Variants in TRPM6 observed in about 807,000 individuals in gnomAD.
TRPM6 encodes channel kinase 2.
TRPM6 carries 111 observed loss-of-function variants against 247.6 expected under a neutral mutation model. The observed-to-expected ratio is 0.45, with a 90% CI of 0.38 to 0.52. TRPM6 has a LOEUF of 0.52. Ranked by LOEUF, TRPM6 falls within the 20% of genes least tolerant of loss-of-function variation. The probability of loss-of-function intolerance (pLI) is 0.00; values close to 1 mark genes in which losing one functional copy is unlikely to be tolerated. For missense variants in TRPM6, 2,126 were observed against 2,421.5 expected (o/e 0.88, Z 2.56); for synonymous variants, 892 against 853.8 (o/e 1.04, Z -0.78).
At chr9:74,833,282 A>T (rs1227224867) in intron 6 of TRPM6, among the ~76,000 whole-genome samples, 1 of 152,188 alleles carries the variant, frequency 6.6e-6, no homozygotes, top group Non-Finnish European at 1.5e-5. Flanking sequence ...CTTCTTTAGA[A>T]CATTTTCTCA....
chr9:74,770,159 A>G (rs954740110), intron 25 of TRPM6, among the ~76,000 whole-genome samples: 1 of 152,176 alleles, frequency 6.6e-6, no homozygotes, highest in South Asian at 2.1e-4. Context: ...CCAATAGAGA[A>G]GTCCAGATTT....
intron 27 of TRPM6, among the ~76,000 whole-genome samples, chr9:74,760,704 A>G (rs1826595691): frequency 6.6e-6 from 1 of 152,310 alleles, no homozygotes; most frequent in Non-Finnish European, 1.5e-5. Context: ...GGCGAGTGCT[A>G]TGATTTGAAC....
chr9:74,868,135 G>C (rs1830911518), intron 1 of TRPM6, among the ~76,000 whole-genome samples: 1 of 147,912 alleles, frequency 6.8e-6, no homozygotes, highest in African/African-American at 2.5e-5. Flanking sequence ...GCCTGACAGA[G>C]CGAGACTCCG....
At chr9:74,740,401 C>T (rs1825824989) in intron 33 of TRPM6, among the ~76,000 whole-genome samples, 1 of 152,168 alleles carries the variant, frequency 6.6e-6, no homozygotes, top group Non-Finnish European at 1.5e-5. Context: ...ACATTCTTTT[C>T]TAATTGTTCT....
intron 1 of TRPM6, among the ~76,000 whole-genome samples, chr9:74,875,652 A>C (rs956470578): frequency 6.6e-6 from 1 of 152,186 alleles, no homozygotes; most frequent in Non-Finnish European, 1.5e-5. Flanking sequence ...TAAAAATGAT[A>C]GTTAATTTTA....
chr9:74,852,436 CTCCCGCTCCCCCTCCTCCCT>C, intron 3 of TRPM6, among the ~76,000 whole-genome samples: 2 of 145,690 alleles, frequency 1.4e-5, no homozygotes, highest in South Asian at 4.5e-4. Flanking sequence ...CCCGCTCCCT[CTCCCGCTCCCCCTCCTCCCT>C]CTCCCTCTCC....
chr9:74,849,959 G>T (rs762845635), intron 3 of TRPM6, among the ~76,000 whole-genome samples: 18 of 152,348 alleles, frequency 1.2e-4, no homozygotes, highest in Non-Finnish European at 2.1e-4. Flanking sequence ...TCTGAAAGAG[G>T]TGATCAGTGG....
In TRPM6 at chr9:74,748,539, C is replaced by T. The variant is rs12686526; in HGVS notation, c.5058-625G>A. ...GCAGGAGACAGTGATATTGATGATC[C>T]TGATCCTGTGTAGGTCTAGGCTAAT... On this transcript the variant is annotated intron_variant, in intron 30 of 38. Transcript: ENST00000360774. Among the ~76,000 whole-genome samples, 14 of 152,222 alleles carry T rather than the reference C, an allele frequency of 9.2e-5. No individual in the cohort carries two copies. In the East Asian group the frequency reaches 2.7e-3, roughly 29 times the overall value.
Position 74,750,670 on chromosome 9 carries a change from T to A in TRPM6, c.5051A>T (p.Asn1684Ile). The change falls in exon 30 of 39, where the codon AAC becomes ATC. Residue 1684 changes from asparagine (N) to isoleucine (I), a missense_variant. Physicochemically the swap from Asn to Ile is moderately radical, Grantham distance 149. Around this residue, in one of 3 missense-constraint regions of TRPM6, gnomAD observed 717 missense variants for 715.9 expected, o/e 1.00. Transcript: ENST00000360774. ...AACATTTAGAAATACTCACAGGGAG[T>A]TCCTATTGAGGTTGGTGCTCCTGGA... ...WNSRSTNLNRNSLLKSSIGVD... is the reference protein window; with the variant it reads ...WNSRSTNLNRISLLKSSIGVD... 6 of 1,613,518 alleles carry A rather than the reference T, an allele frequency of 3.7e-6. No homozygotes were observed. The highest frequency in any genetic ancestry group is 1.3e-5 in the African/African-American group (1 of 74,946).
chr9:74,875,505 T>C (rs1470427534), intron 1 of TRPM6, among the ~76,000 whole-genome samples: 1 of 152,110 alleles, frequency 6.6e-6, no homozygotes, highest in Non-Finnish European at 1.5e-5. Flanking sequence ...ATCGTGCCAC[T>C]GCACTCCAGC....
chr9:74,835,404 C>T (rs965512619), intron 5 of TRPM6, among the ~76,000 whole-genome samples: 4 of 152,154 alleles, frequency 2.6e-5, no homozygotes, highest in African/African-American at 9.6e-5. Flanking sequence ...CCTAATCTTA[C>T]CCAATGTCCC....
chr9:74,843,135 A>C (rs1264037426), intron 3 of TRPM6, among the ~76,000 whole-genome samples: 47 of 152,186 alleles, frequency 3.1e-4, no homozygotes, highest in Non-Finnish European at 4.4e-5. Flanking sequence ...TCACCAGTAG[A>C]TTCCATTTCA....
chr9:74,833,623 G>C (rs2118119491), intron 6 of TRPM6, among the ~76,000 whole-genome samples: 2 of 152,324 alleles, frequency 1.3e-5, no homozygotes, highest in East Asian at 3.9e-4. Context: ...AGGAGACAAA[G>C]GTAAGAGTAA....
intron 4 of TRPM6, among the ~76,000 whole-genome samples, chr9:74,840,652 TA>T (rs961533845): frequency 6.6e-6 from 1 of 151,690 alleles, no homozygotes; most frequent in Non-Finnish European, 1.5e-5. Context: ...CCATCTCTAC[TA>T]AAAATACAAA....
At chr9:74,808,324 AT>A (rs1188136285) in intron 13 of TRPM6, 150 bp from the exon 14 acceptor site, 1 of 973,298 alleles carries the variant, frequency 1.0e-6, no homozygotes, top group Non-Finnish European at 1.6e-6. Flanking sequence ...GTGACCAGCC[AT>A]TGATACAATC....
intron 8 of TRPM6, 135 bp from the exon 9 acceptor site, chr9:74,820,562 G>A (rs572963203): frequency 3.6e-6 from 4 of 1,099,144 alleles, no homozygotes; most frequent in East Asian, 5.1e-5. Context: ...GAGCAAATGA[G>A]GGGGAGCAAA....
rs1587582692 is a variant in TRPM6 at position 74,853,307 on chromosome 9, C to A, written c.152+2220G>T. Among the ~76,000 whole-genome samples the A allele has an allele frequency of 3.3e-5, 5 of 150,326 alleles. No individual in the cohort carries two copies. In the South Asian group the frequency reaches 1.1e-3, roughly 32 times the overall value. On this transcript the variant is annotated intron_variant, in intron 3 of 38. Coordinates refer to ENST00000360774, the MANE Select transcript of TRPM6 (RefSeq NM_017662.5). ...CGTCTCCGCCCGGCAGCCGCCCCAT[C>A]CGGGAGGTTGGGGGGCGCCTCTGCC... is the stretch of plus-strand genomic sequence containing the variant.
At chr9:74,786,664 C>T (rs13297056) in intron 20 of TRPM6, among the ~76,000 whole-genome samples, 32,903 of 152,006 alleles carry the variant, frequency 0.22, 3,802 homozygotes, top group Middle Eastern at 0.29. Flanking sequence ...GGCATGAACC[C>T]GGGAGGCGGA....
chr9:74,735,642 A>C (rs1174100375), intron 36 of TRPM6, among the ~76,000 whole-genome samples: 2 of 152,162 alleles, frequency 1.3e-5, no homozygotes, highest in African/African-American at 4.8e-5. Flanking sequence ...GCTATAAACC[A>C]CTGTAATTTG....
Sources: allele counts gnomAD v4.1 joint callset (sites outside exome capture counted in the v4.1 genomes callset), GRCh38; gene constraint gnomAD v4.1.1; regional missense constraint gnomAD v4.1.1; transcripts MANE v1.5; gene names NCBI Gene and HGNC (gene_info 2026-07-23, HGNC 2026-07-21).